Variants in CEP70 observed in about 807,000 individuals in gnomAD.
The protein encoded by CEP70 is centrosomal protein of 70 kDa.
Under a neutral mutation model 90.9 loss-of-function variants are expected in CEP70, and 70 were observed. The ratio of observed to expected loss-of-function variants is 0.77; its 90% CI spans 0.64 to 0.94. CEP70 has a LOEUF of 0.94. CEP70 is among the 40% of genes least tolerant of loss of function. The pLI, the probability that CEP70 is intolerant of heterozygous loss-of-function variation, is 0.00. For synonymous variants in CEP70, 220 were observed against 228.3 expected, an observed-to-expected ratio of 0.96 and a Z score of 0.33; for missense variants, 648 against 669.0, an observed-to-expected ratio of 0.97 and a Z score of 0.35.
intron 11 of CEP70, among the ~76,000 whole-genome samples, chr3:138,517,269 A>C (rs915356688): frequency 6.6e-6 from 1 of 152,226 alleles, no homozygotes; most frequent in Non-Finnish European, 1.5e-5. Flanking sequence ...AATTGCTCTT[A>C]AACTGTGAAA....
intron 10 of CEP70, among the ~76,000 whole-genome samples, chr3:138,526,844 G>C (rs1425336768): frequency 6.6e-6 from 1 of 151,970 alleles, no homozygotes; most frequent in Non-Finnish European, 1.5e-5. Context: ...AACCACAAAA[G>C]GTATTAGATG....
intron 2 of CEP70, among the ~76,000 whole-genome samples, chr3:138,576,803 C>G (rs1241142484): frequency 1.3e-5 from 2 of 152,226 alleles, no homozygotes; most frequent in African/African-American, 4.8e-5. Flanking sequence ...GAAACTCACT[C>G]AAAACCGCAC....
intron 6 of CEP70, among the ~76,000 whole-genome samples, chr3:138,565,431 T>C (rs1379238034): frequency 6.6e-6 from 1 of 152,132 alleles, no homozygotes; most frequent in Non-Finnish European, 1.5e-5. Flanking sequence ...ACTACCTGAC[T>C]TCAAACTATG....
intron 6 of CEP70, among the ~76,000 whole-genome samples, chr3:138,562,154 A>T (rs1029839854): frequency 2.0e-4 from 31 of 152,132 alleles, no homozygotes; most frequent in African/African-American, 7.2e-4. Flanking sequence ...AAGATTAGAG[A>T]AAAAAGAATG....
intron 13 of CEP70, 66 bp from the exon 14 acceptor site, chr3:138,500,947 C>T (rs1050545457): frequency 4.5e-6 from 3 of 660,524 alleles, no homozygotes; most frequent in Non-Finnish European, 6.7e-6. Context: ...CATAATAGAA[C>T]ATAATTAGTA....
intron 17 of CEP70, chr3:138,497,715 ATC>A (rs2034076857): frequency 1.0e-6 from 1 of 985,282 alleles, no homozygotes; most frequent in Non-Finnish European, 1.2e-6. Context: ...ACCTTCTAAG[ATC>A]ATAAATCCTA....
rs569232380 is a variant in CEP70, at chr3:138,536,829, A to G, written c.635+349T>C. 3.2e-3 allele frequency: 492 copies of G among 154,552 alleles called. 1 individual carries two copies. Among genetic ancestry groups the G allele is most frequent in the Non-Finnish European group, 4.8e-3 (336 of 69,720 alleles). 9.6% of individuals were successfully genotyped at this position (154,552 alleles called of 1,614,324 possible). ...TTTCCACTAAAAACTCCTAAAATCA[A>G]TAACATAATAAAACTAAGCAACCCC... On this transcript the variant is annotated intron_variant, in intron 7 of 17. Transcript: ENST00000264982.
intron 6 of CEP70, among the ~76,000 whole-genome samples, chr3:138,555,070 G>A (rs2039901455): frequency 6.6e-6 from 1 of 152,074 alleles, no homozygotes; most frequent in African/African-American, 2.4e-5. Flanking sequence ...CGAACATTGT[G>A]AAACCCTGTC....
At position 138,532,515 on chromosome 3, in the gene CEP70, T is replaced by G; in HGVS notation, c.691A>C (p.Arg231=). The change falls in exon 8 of 18, where the codon AGG becomes CGG. Residue 231 remains arginine, a splice_region_variant and synonymous_variant. Coordinates refer to ENST00000264982, the MANE Select transcript of CEP70 (RefSeq NM_024491.4). ...ESKIRKIHTQ[R]QYKEDESQSE... Reference sequence around the variant, plus strand: ...ACTGTAATACAGGATTACTCGTACCTTTGTGTATGAATTTTTCTAATTTTA... The same window carrying G: ...ACTGTAATACAGGATTACTCGTACCGTTGTGTATGAATTTTTCTAATTTTA... The G allele has an allele frequency of 6.6e-7, 1 of 1,505,140 alleles. No individual in the cohort carries two copies. Among genetic ancestry groups the G allele is most frequent in the Non-Finnish European group, 8.9e-7 (1 of 1,125,606 alleles). The allele number at this position is 1,505,140 out of a possible 1,614,324, so 93.2% of individuals were successfully genotyped here.
intron 6 of CEP70, among the ~76,000 whole-genome samples, chr3:138,562,731 G>A (rs776600935): frequency 7.2e-5 from 11 of 152,156 alleles, no homozygotes; most frequent in African/African-American, 1.2e-4. Context: ...GGAACAACCA[G>A]TACCAGCCAC....
intron 11 of CEP70, among the ~76,000 whole-genome samples, chr3:138,519,463 A>G (rs1219769656): frequency 6.6e-6 from 1 of 152,372 alleles, no homozygotes; most frequent in East Asian, 1.9e-4. Flanking sequence ...AGGGAAGCCC[A>G]TCAGACTAAC....
intron 10 of CEP70, among the ~76,000 whole-genome samples, chr3:138,526,320 C>T (rs543502282): frequency 2.0e-5 from 3 of 151,992 alleles, no homozygotes; most frequent in South Asian, 4.2e-4. Context: ...ACCACCACAC[C>T]GGGCTGATTT....
In CEP70 at chr3:138,589,455, C is replaced by A. The variant is rs1190669503; in HGVS notation, c.-6+2399G>T. Among the ~76,000 whole-genome samples the A allele has an allele frequency of 2.0e-5, 3 of 151,066 alleles. No homozygotes were observed. In the East Asian group the frequency reaches 5.8e-4, roughly 29 times the overall value. ...GGATCACTTGAGCCTGGGTTCATGA[C>A]CAGCCTGGGCAACTTGGCAAAACCC... On this transcript the variant is annotated intron_variant, in intron 2 of 17. Coordinates refer to ENST00000264982, the MANE Select transcript of CEP70 (RefSeq NM_024491.4).
chr3:138,544,762 A>G (rs997457441), intron 6 of CEP70, among the ~76,000 whole-genome samples: 3 of 152,200 alleles, frequency 2.0e-5, no homozygotes, highest in African/African-American at 7.2e-5. Flanking sequence ...ATGCAGCTAC[A>G]TGGATGAAAA....
At chr3:138,571,965 A>C (rs1007960608) in intron 3 of CEP70, among the ~76,000 whole-genome samples, 10 of 152,104 alleles carry the variant, frequency 6.6e-5, no homozygotes, top group African/African-American at 2.4e-4. Flanking sequence ...TTTTTAGTAG[A>C]GATGGGGTTT....
intron 6 of CEP70, among the ~76,000 whole-genome samples, chr3:138,558,538 A>C (rs1212014996): frequency 2.0e-5 from 3 of 152,168 alleles, no homozygotes; most frequent in Non-Finnish European, 4.4e-5. Context: ...CAAAGGCCTA[A>C]CAAAGAAGGG....
chr3:138,559,761 A>G (rs970044654), intron 6 of CEP70, among the ~76,000 whole-genome samples: 1 of 152,120 alleles, frequency 6.6e-6, no homozygotes, highest in Non-Finnish European at 1.5e-5. Context: ...CAAGGAGAAA[A>G]ATATTAAAGG....
intron 12 of CEP70, among the ~76,000 whole-genome samples, chr3:138,507,024 T>C (rs558238404): frequency 1.3e-5 from 2 of 152,260 alleles, no homozygotes; most frequent in East Asian, 3.9e-4. Flanking sequence ...ATTACAGGCA[T>C]GAGCCACCAT....
chr3:138,507,717 T>C (rs370663959), intron 12 of CEP70, among the ~76,000 whole-genome samples: 5 of 152,186 alleles, frequency 3.3e-5, no homozygotes, highest in African/African-American at 1.2e-4. Context: ...TAAGGATGAA[T>C]AGGGACTGCT....
Sources: allele counts gnomAD v4.1 joint callset (sites outside exome capture counted in the v4.1 genomes callset), GRCh38; gene constraint gnomAD v4.1.1; transcripts MANE v1.5; gene names NCBI Gene and HGNC (gene_info 2026-07-23, HGNC 2026-07-21).